Variants in SDC3 observed in about 807,000 individuals in gnomAD.
SDC3 encodes syndecan-3.
Under a neutral mutation model 24.4 loss-of-function variants are expected in SDC3, and 13 were observed. That is an observed-to-expected ratio of 0.53 (90% CI 0.35 to 0.85). The LOEUF (loss-of-function observed/expected upper bound fraction) is 0.85, where lower values mean the gene tolerates loss of function less well. Among genes scored for constraint, SDC3 ranks in the 40% least tolerant of loss-of-function variants. SDC3 has a pLI of 0.01. For missense variants in SDC3, 571 were observed against 584.5 expected, an observed-to-expected ratio of 0.98 and a Z score of 0.24; for synonymous variants, 295 against 260.9, an observed-to-expected ratio of 1.13 and a Z score of -1.26.
chr1:30,905,379 AC>A (rs1329551314), intron 1 of SDC3, among the ~76,000 whole-genome samples: 1 of 131,286 alleles, frequency 7.6e-6, no homozygotes, highest in Non-Finnish European at 1.6e-5. Context: ...ACACACACAC[AC>A]ACACACACGT....
chr1:30,869,532 C>CAAAAAAAAAAAAA lies in SDC3; in HGVS notation c.*3678_*3679insTTTTTTTTTTTTT. Reference sequence around the variant, plus strand: ...GCACAGGAAGTGTTAAAAAAACAAACAAACAAAAAAAAAAAAAAAAAAAAA... The same window carrying CAAAAAAAAAAAAA: ...GCACAGGAAGTGTTAAAAAAACAAACAAAAAAAAAAAAAAAACAAAAAAAAAAAAAAAAAAAAA... On this transcript the variant is annotated 3_prime_UTR_variant, in exon 5 of 5. Transcript: ENST00000339394. 3.6e-6 allele frequency: 1 copy of CAAAAAAAAAAAAA among 276,762 alleles called. No individual in the cohort carries two copies. The allele number at this position is 276,762 out of a possible 1,614,324, so 17.1% of individuals were successfully genotyped here. A position where few individuals can be genotyped will look rare whatever the true frequency, so the allele number is the denominator to read the frequency against.
At chr1:30,889,777 T>C (rs947723878) in intron 1 of SDC3, among the ~76,000 whole-genome samples, 2 of 152,150 alleles carry the variant, frequency 1.3e-5, no homozygotes, top group African/African-American at 4.8e-5. Flanking sequence ...ACAGCCGCTT[T>C]AGGAAAGAGG....
At chr1:30,888,706 C>T (rs1639865569) in intron 1 of SDC3, among the ~76,000 whole-genome samples, 1 of 152,212 alleles carries the variant, frequency 6.6e-6, no homozygotes, top group Non-Finnish European at 1.5e-5. Context: ...CCAGCCCAAA[C>T]TCACACACAG....
Position 30,877,081 on chromosome 1 carries a change from A to G in SDC3, c.341T>C (p.Leu114Pro). ...CACAGGCTGGATGTTCGTGGTGGGC[A>G]GCACCGCAGGTGTGGTGGACACCGC... is the stretch of plus-strand genomic sequence containing the variant. ...ALAVSTTPAVLPTTNIQPVGT... is the reference protein window; with the variant it reads ...ALAVSTTPAVPPTTNIQPVGT... Residue 114 changes from leucine (L) to proline (P), a missense_variant, in exon 3 of 5, where the codon CTG becomes CCG. Coordinates refer to ENST00000339394, the MANE Select transcript of SDC3 (RefSeq NM_014654.4). The G allele has an allele frequency of 6.2e-7, 1 of 1,614,006 alleles. No individual in the cohort carries two copies. The highest frequency in any genetic ancestry group is 8.5e-7 in the Non-Finnish European group (1 of 1,179,990).
intron 1 of SDC3, among the ~76,000 whole-genome samples, chr1:30,897,200 C>G (rs550361490): frequency 3.2e-4 from 49 of 152,274 alleles, no homozygotes; most frequent in African/African-American, 1.1e-3. Flanking sequence ...GCCCAGGAGT[C>G]AGGAGACAGA....
chr1:30,874,402 C>T lies in SDC3; in HGVS notation c.1057G>A (p.Gly353Ser), dbSNP rs762479809. ...ASSPPGTLPK[G>S]ARPGPGLLDN... ...AGGAGGCCAGGGCCCGGGCGGGCAC[C>T]CTTGGGCAGTGTCCCAGGTGGAGAT... The change falls in exon 4 of 5, where the codon GGT (glycine) becomes AGT (serine). Residue 353 changes from glycine to serine, a missense_variant. Around this residue, in one of 2 missense-constraint regions of SDC3, gnomAD observed 497 missense variants for 471.6 expected, o/e 1.05. Coordinates refer to ENST00000339394, the MANE Select transcript of SDC3 (RefSeq NM_014654.4). 2 of 1,614,134 alleles carry T rather than the reference C, an allele frequency of 1.2e-6. No individual in the cohort carries two copies. Among genetic ancestry groups the T allele is most frequent in the South Asian group, 2.2e-5 (2 of 91,082 alleles).
At chr1:30,881,295 A>G (rs1639740269) in intron 1 of SDC3, 1 of 153,860 alleles carries the variant, frequency 6.5e-6, no homozygotes, top group Non-Finnish European at 1.5e-5. Flanking sequence ...TCCTCACCAC[A>G]CACCCCACGG....
chr1:30,905,685 T>C (rs936077153), intron 1 of SDC3, among the ~76,000 whole-genome samples: 1 of 152,038 alleles, frequency 6.6e-6, no homozygotes, highest in Non-Finnish European at 1.5e-5. Context: ...AGCCCTGGAC[T>C]TTTGAAAGAA....
chr1:30,889,086 C>T (rs1048704853), intron 1 of SDC3, among the ~76,000 whole-genome samples: 2 of 152,216 alleles, frequency 1.3e-5, no homozygotes, highest in Admixed American at 6.5e-5. Context: ...CTCTGATGCT[C>T]GACTATGTGG....
At chr1:30,898,365 C>A (rs1638328737) in intron 1 of SDC3, among the ~76,000 whole-genome samples, 2 of 152,164 alleles carry the variant, frequency 1.3e-5, no homozygotes, top group Non-Finnish European at 2.9e-5. Flanking sequence ...GGGTCTAAAT[C>A]AACCTCTCAT....
Position 30,874,445 on chromosome 1 carries a change from CCCTCCCACA to C in SDC3, c.1005_1013del (p.Val336_Gly338del). 6.2e-7 allele frequency: 1 copy of C among 1,614,196 alleles called. No homozygotes were observed. The highest frequency in any genetic ancestry group is 1.1e-5 in the South Asian group (1 of 91,080). ...GTGGAGATGATGCCTTGGCCGCAGC[CCCTCCCACA>C]GCTACCACCTCATTGGCTGTGTCTG... On this transcript the variant is annotated inframe_deletion, in exon 4 of 5. Coordinates refer to ENST00000339394, the MANE Select transcript of SDC3 (RefSeq NM_014654.4).
chr1:30,877,897 C>T (rs1396139142), intron 2 of SDC3: 1 of 152,512 alleles, frequency 6.6e-6, no homozygotes, highest in African/African-American at 2.4e-5. Context: ...AGACCAGAGG[C>T]GAGGGCTGTG....
At chr1:30,908,251 T>G (rs1638568959) in intron 1 of SDC3, among the ~76,000 whole-genome samples, 198 bp downstream of exon 1, 1 of 138,312 alleles carries the variant, frequency 7.2e-6, no homozygotes, top group African/African-American at 2.7e-5. Flanking sequence ...TAGGGGGAGA[T>G]TCCGGAGGGG....
At chr1:30,875,605 T>C (rs1050528628) in intron 3 of SDC3, among the ~76,000 whole-genome samples, 7 of 152,316 alleles carry the variant, frequency 4.6e-5, no homozygotes, top group South Asian at 2.1e-4. Flanking sequence ...TGCACCCAGC[T>C]GGGACCAGAC....
Position 30,908,693 on chromosome 1 carries a change from G to T in SDC3, c.-107C>A. Reference sequence around the variant, plus strand: ...GGCGGCGCGGCCCGGCGGCTGGACCGACGCGCTCTAGGCTCGCGGGCTCCC... The same window carrying T: ...GGCGGCGCGGCCCGGCGGCTGGACCTACGCGCTCTAGGCTCGCGGGCTCCC... On this transcript the variant is annotated 5_prime_UTR_variant, in exon 1 of 5. Coordinates refer to ENST00000339394, the MANE Select transcript of SDC3 (RefSeq NM_014654.4). 1 of 317,544 alleles carries T rather than the reference G, an allele frequency of 3.1e-6. No individual in the cohort carries two copies. Among genetic ancestry groups the T allele is most frequent in the Non-Finnish European group, 4.4e-6 (1 of 225,084 alleles). The allele number at this position is 317,544 out of a possible 1,614,324, so 19.7% of individuals were successfully genotyped here.
intron 1 of SDC3, among the ~76,000 whole-genome samples, chr1:30,901,796 C>G (rs1638418342): frequency 9.3e-6 from 1 of 107,338 alleles, no homozygotes; most frequent in Non-Finnish European, 1.9e-5. Context: ...AGAACAAAAA[C>G]CAAGGCAGGT....
rs919310317 is a variant in SDC3 at position 30,876,520 on chromosome 1, C to T, written c.870+32G>A. 5.3e-6 allele frequency: 8 copies of T among 1,496,026 alleles called. No homozygotes were observed. The East Asian group carries it at 1.6e-4, about 30-fold the overall frequency. 92.7% of individuals were successfully genotyped at this position (1,496,026 alleles called of 1,614,324 possible). ...CCCTCCCCTGACCCACCCTCCTCCG[C>T]CCTCCTCCCTGTCCCTTCTCAACAC... is the stretch of plus-strand genomic sequence containing the variant. On this transcript the variant is annotated intron_variant, in intron 3 of 4. Coordinates refer to ENST00000339394, the MANE Select transcript of SDC3 (RefSeq NM_014654.4).
chr1:30,894,236 A>T (rs1296888995), intron 1 of SDC3, among the ~76,000 whole-genome samples: 1 of 139,542 alleles, frequency 7.2e-6, no homozygotes, highest in East Asian at 2.2e-4. Context: ...TGGGGACGAC[A>T]GCGTGTGTGT....
chr1:30,898,596 G>C lies in SDC3; in HGVS notation c.138+9853C>G, dbSNP rs1055683627. On this transcript the variant is annotated intron_variant, in intron 1 of 4. Coordinates refer to ENST00000339394, the MANE Select transcript of SDC3 (RefSeq NM_014654.4). The stretch of plus-strand genomic sequence containing the variant: ...GAGGGTGGTGGTGCCCAGCGTGATG[G>C]GCAAGGAAAGAGATGCCTCCTACCC... Among the ~76,000 whole-genome samples, 90 of 152,120 alleles carry C rather than the reference G, an allele frequency of 5.9e-4. 1 individual carries two copies. Among genetic ancestry groups the C allele is most frequent in the Non-Finnish European group, 2.1e-4 (14 of 68,008 alleles).
Sources: gnomAD v4.1 joint callset for allele counts (sites outside exome capture counted in the v4.1 genomes callset) on GRCh38, gnomAD v4.1.1 for gene constraint, gnomAD v4.1.1 regional missense constraint, MANE v1.5 for transcripts, NCBI Gene and HGNC (gene_info 2026-07-23, HGNC 2026-07-21) for gene names.